Variants in KIFBP observed in about 807,000 individuals in gnomAD.
KIFBP encodes the protein KIF-binding protein.
A neutral mutation model predicts 58.9 loss-of-function variants in KIFBP; 46 were observed. The ratio of observed to expected loss-of-function variants is 0.78; its 90% CI spans 0.62 to 1.00. The LOEUF (loss-of-function observed/expected upper bound fraction) is 1.00. Ranked by LOEUF, KIFBP falls within the 50% of genes least tolerant of loss-of-function variation. The probability of loss-of-function intolerance (pLI) is 0.00; values close to 1 mark genes in which losing one functional copy is unlikely to be tolerated. For missense variants in KIFBP, 651 were observed against 752.9 expected (o/e 0.86, Z 1.58); for synonymous variants, 241 against 283.4 (o/e 0.85, Z 1.50).
intron 6 of KIFBP, among the ~76,000 whole-genome samples, chr10:69,013,016 C>T (rs1223853191): frequency 6.6e-6 from 1 of 151,978 alleles, no homozygotes; most frequent in African/African-American, 2.4e-5. Flanking sequence ...GAGAAGCAAG[C>T]ATGTCTTACC....
At chr10:68,991,971 G>GT (rs34566218) in intron 1 of KIFBP, among the ~76,000 whole-genome samples, 16,922 of 144,154 alleles carry the variant, frequency 0.12, 1,189 homozygotes, top group Admixed American at 0.18. Flanking sequence ...TTTTATGTGG[G>GT]TTTTTTTTTT....
chr10:68,992,717 T>A (rs1843363290), intron 1 of KIFBP, among the ~76,000 whole-genome samples: 1 of 152,190 alleles, frequency 6.6e-6, no homozygotes, highest in Non-Finnish European at 1.5e-5. Context: ...GTGTTACAAA[T>A]CAGTTTAAGT....
chr10:69,011,165 A>C, intron 6 of KIFBP, 150 bp downstream of exon 6: 1 of 674,858 alleles, frequency 1.5e-6, no homozygotes, highest in East Asian at 2.8e-5. Flanking sequence ...CTTGGTTTTA[A>C]ATCGTATTCT....
chr10:68,995,973 C>T (rs1467681389), intron 1 of KIFBP, among the ~76,000 whole-genome samples: 1 of 152,038 alleles, frequency 6.6e-6, no homozygotes. Context: ...GCCTGGCCAA[C>T]ATGATGAAAC....
At chr10:68,997,442 TGCTCTCTCCC>T (rs1403339013) in intron 1 of KIFBP, among the ~76,000 whole-genome samples, 11 of 152,172 alleles carry the variant, frequency 7.2e-5, no homozygotes, top group Admixed American at 7.2e-4. Context: ...CTTCCTTCTT[TGCTCTCTCCC>T]CTTCCTACTC....
rs755744684 is a variant in KIFBP, at chr10:69,008,862, C to T, written c.811C>T (p.His271Tyr). ...INKLCFMEAR[H>Y]CLSAANVIFG... ...ATAGCTATGCTTTATGGAGGCCAGG[C>T]ACTGTTTATCAGCTGCTAATGTCAT... Residue 271 changes from histidine to tyrosine, a missense_variant, in exon 5 of 7, where the codon CAC (histidine) becomes TAC (tyrosine). Coordinates refer to ENST00000361983, the MANE Select transcript of KIFBP (RefSeq NM_015634.4). 1.9e-6 allele frequency: 3 copies of T among 1,613,580 alleles called. No homozygotes were observed. Among genetic ancestry groups the T allele is most frequent in the Non-Finnish European group, 2.5e-6 (3 of 1,179,638 alleles).
chr10:68,988,837 C>T lies in KIFBP; in HGVS notation c.5C>T (p.Ala2Val). 1 of 1,614,252 alleles carries T rather than the reference C, an allele frequency of 6.2e-7. No homozygotes were observed. The highest frequency in any genetic ancestry group is 8.5e-7 in the Non-Finnish European group (1 of 1,180,046). M[A>V]NVPWAEVCEK... The stretch of plus-strand genomic sequence containing the variant: ...AGCCAGGCAGTAGAGGCCGCTATGG[C>T]GAACGTTCCGTGGGCAGAGGTCTGC... The change falls in exon 1 of 7, where the codon GCG (alanine) becomes GTG (valine). Residue 2 changes from alanine to valine, a missense_variant. Ala to Val is a moderately conservative substitution (Grantham distance 64). Transcript: ENST00000361983.
intron 2 of KIFBP, among the ~76,000 whole-genome samples, chr10:69,004,838 C>T (rs1047871302): frequency 5.6e-4 from 85 of 152,150 alleles, no homozygotes; most frequent in Non-Finnish European, 9.9e-4. Flanking sequence ...TGCCACTCCA[C>T]TCCAGCCTGG....
intron 4 of KIFBP, among the ~76,000 whole-genome samples, chr10:69,008,005 TG>T (rs1052212565): frequency 6.6e-6 from 1 of 152,176 alleles, no homozygotes; most frequent in Admixed American, 6.6e-5. Flanking sequence ...CTTTAAAACT[TG>T]GTGGGAAGCC....
Position 69,016,369 on chromosome 10 carries a change from C to T in KIFBP, c.1819C>T (p.Leu607Phe). 2.5e-6 allele frequency: 4 copies of T among 1,614,114 alleles called. No individual in the cohort carries two copies. The South Asian group carries it at 4.4e-5, about 18-fold the overall frequency. ...LELSKEMVSLLPTKMERFRTK... is the reference protein window; with the variant it reads ...LELSKEMVSLFPTKMERFRTK... ...ACTTAGTAAAGAGATGGTTAGTCTT[C>T]TCCCAACAAAAATGGAGAGATTCAG... Residue 607 changes from leucine (L) to phenylalanine (F), a missense_variant, in exon 7 of 7, where the codon CTC (leucine) becomes TTC (phenylalanine). Physicochemically the swap from Leu to Phe is conservative, Grantham distance 22. Transcript: ENST00000361983.
At chr10:69,014,264 C>T (rs1422029712) in intron 6 of KIFBP, among the ~76,000 whole-genome samples, 3 of 152,042 alleles carry the variant, frequency 2.0e-5, no homozygotes, top group Non-Finnish European at 2.9e-5. Flanking sequence ...TGCTAAGTTC[C>T]ACAAAGGAGA....
At position 69,005,887 on chromosome 10, in the gene KIFBP, C is replaced by T. The variant is rs1252367280; in HGVS notation, c.761C>T (p.Ala254Val). Residue 254 changes from alanine to valine, a missense_variant, in exon 4 of 7, where the codon GCT becomes GTT. Coordinates refer to ENST00000361983, the MANE Select transcript of KIFBP (RefSeq NM_015634.4). ...CCTATAGAGTGGGCTATCAATGCTGCTACCTTGTCACAGTTTTACATCAAT... is the reference window on the plus strand; with the variant it reads ...CCTATAGAGTGGGCTATCAATGCTGTTACCTTGTCACAGTTTTACATCAAT... ...YHPIEWAINA[A>V]TLSQFYINKL... 2.5e-6 allele frequency: 4 copies of T among 1,613,914 alleles called. No individual in the cohort carries two copies. In the African/African-American group the frequency reaches 5.3e-5, roughly 22 times the overall value.
rs546797931 is a variant in KIFBP, at chr10:69,011,141, G to A, written c.990+126G>A. 974 of 712,816 alleles carry A rather than the reference G, an allele frequency of 1.4e-3. 7 individuals are homozygous for A. Among genetic ancestry groups the A allele is most frequent in the Admixed American group, 3.5e-3 (161 of 46,068 alleles). 44.2% of individuals were successfully genotyped at this position (712,816 alleles called of 1,614,324 possible). A position where few individuals can be genotyped will look rare whatever the true frequency, so the allele number is the denominator to read the frequency against. ...TATGAAAGGTGTGTAGAATGTTTTC[G>A]TAAATATTTCTTTCTTGGTTTTAAA... is the stretch of plus-strand genomic sequence containing the variant. On this transcript the variant is annotated intron_variant, in intron 6 of 6. Coordinates refer to ENST00000361983, the MANE Select transcript of KIFBP (RefSeq NM_015634.4).
chr10:69,006,345 A>AT (rs1488776588), intron 4 of KIFBP, among the ~76,000 whole-genome samples: 1 of 152,154 alleles, frequency 6.6e-6, no homozygotes, highest in Non-Finnish European at 1.5e-5. Flanking sequence ...CATTTCAGTT[A>AT]TTTTTCAGAA....
chr10:69,008,389 A>ATATAT (rs1434053871), intron 4 of KIFBP, among the ~76,000 whole-genome samples: 1,024 of 56,266 alleles, frequency 0.018, 6 homozygotes, highest in Non-Finnish European at 0.027. Flanking sequence ...AAAAAAAAAA[A>ATATAT]AAATATATAT....
Position 69,005,833 on chromosome 10 carries a change from A to G in KIFBP, c.707A>G (p.Lys236Arg), listed in dbSNP as rs1843529563. 1 of 1,614,204 alleles carries G rather than the reference A, an allele frequency of 6.2e-7. No homozygotes were observed. Among genetic ancestry groups the G allele is most frequent in the African/African-American group, 1.3e-5 (1 of 75,048 alleles). The change falls in exon 4 of 7, where the codon AAA (lysine) becomes AGA (arginine). Residue 236 changes from lysine (K) to arginine (R), a missense_variant. By Grantham distance (26) the Lys-to-Arg change is conservative. Coordinates refer to ENST00000361983, the MANE Select transcript of KIFBP (RefSeq NM_015634.4). Reference sequence around the variant, plus strand: ...GCTCACTATTGCCATAGTACACTAAAACGCCAGCTTGAGCACAATGCCTAC... The same window carrying G: ...GCTCACTATTGCCATAGTACACTAAGACGCCAGCTTGAGCACAATGCCTAC... ...KAAHYCHSTL[K>R]RQLEHNAYHP...
chr10:68,998,773 T>TATATATATATATA (rs1228728232), intron 1 of KIFBP, among the ~76,000 whole-genome samples: 2 of 60,142 alleles, frequency 3.3e-5, no homozygotes, highest in Non-Finnish European at 7.2e-5. Flanking sequence ...ATATATATAT[T>TATATATATATATA]TTTTTTTTTT....
chr10:69,010,801 C>A, intron 5 of KIFBP, 99 bp from the exon 6 acceptor site: 1 of 792,096 alleles, frequency 1.3e-6, no homozygotes, highest in Non-Finnish European at 2.2e-6. Flanking sequence ...AGATCTGTTA[C>A]TTTTATAGTC....
In KIFBP at chr10:69,016,547, C is replaced by T; in HGVS notation, c.*131C>T. The T allele has an allele frequency of 3.5e-6, 3 of 853,870 alleles. No individual in the cohort carries two copies. Among genetic ancestry groups the T allele is most frequent in the Non-Finnish European group, 5.6e-6 (3 of 532,570 alleles). The allele number at this position is 853,870 out of a possible 1,614,324, so 52.9% of individuals were successfully genotyped here. On this transcript the variant is annotated 3_prime_UTR_variant, in exon 7 of 7. Transcript: ENST00000361983. ...CAGTTTGAACTTGAGATACAGTCAA[C>T]TGAGTGTTTGCTAGGATCCTAAGGA...
Sources: allele counts gnomAD v4.1 joint callset (sites outside exome capture counted in the v4.1 genomes callset), GRCh38; gene constraint gnomAD v4.1.1; transcripts MANE v1.5; gene names NCBI Gene and HGNC (gene_info 2026-07-23, HGNC 2026-07-21).